The following OSBPL10 variants were observed in gnomAD, a reference collection of about 807,000 sequenced individuals.
The protein encoded by OSBPL10 is oxysterol binding protein like 10, also known as oxysterol-binding protein-related protein 10.
Under a neutral mutation model 81.7 loss-of-function variants are expected in OSBPL10, and 49 were observed. That is an observed-to-expected ratio of 0.60 (90% CI 0.48 to 0.76). The LOEUF (loss-of-function observed/expected upper bound fraction) is 0.76, where lower values mean the gene tolerates loss of function less well. OSBPL10 is among the 30% of genes least tolerant of loss of function. The pLI is 0.00. For missense variants in OSBPL10, 923 were observed against 987.8 expected (o/e 0.93, Z 0.88); for synonymous variants, 419 against 383.6 (o/e 1.09, Z -1.08).
At chr3:31,871,944 T>A (rs948368806) in intron 3 of OSBPL10, among the ~76,000 whole-genome samples, 2 of 152,236 alleles carry the variant, frequency 1.3e-5, no homozygotes, top group African/African-American at 4.8e-5. Context: ...TTCAAAGTCA[T>A]ACACAAGTAG....
chr3:31,982,496 C>T (rs1698871146), upstream of OSBPL10, among the ~76,000 whole-genome samples: 1 of 152,168 alleles, frequency 6.6e-6, no homozygotes, highest in Non-Finnish European at 1.5e-5. Flanking sequence ...CTCAAAGGGA[C>T]AGTTCCCCGA....
chr3:32,054,137 T>A (rs968853558), intron 1 of OSBPL10, among the ~76,000 whole-genome samples: 2 of 152,242 alleles, frequency 1.3e-5, no homozygotes, highest in Non-Finnish European at 2.9e-5. Flanking sequence ...GTTATCATTT[T>A]GACCAAGTGA....
chr3:31,735,421 C>T (rs1382397317), intron 5 of OSBPL10, among the ~76,000 whole-genome samples: 1 of 152,164 alleles, frequency 6.6e-6, no homozygotes, highest in Non-Finnish European at 1.5e-5. Context: ...GCCTGGGTGA[C>T]AATGAAAGAC....
chr3:31,856,999 G>C (rs1286409894), intron 3 of OSBPL10, among the ~76,000 whole-genome samples: 1 of 152,114 alleles, frequency 6.6e-6, no homozygotes, highest in Non-Finnish European at 1.5e-5. Flanking sequence ...GGCGGTGGAG[G>C]GTTCAAGGAT....
intron 2 of OSBPL10, among the ~76,000 whole-genome samples, chr3:32,016,962 G>A (rs2125542950): frequency 6.6e-6 from 1 of 152,308 alleles, no homozygotes; most frequent in African/African-American, 2.4e-5. Flanking sequence ...ATAATGAAAA[G>A]TCTTTACTCC....
At chr3:31,785,505 G>A (rs1295651017) in intron 4 of OSBPL10, among the ~76,000 whole-genome samples, 2 of 152,108 alleles carry the variant, frequency 1.3e-5, no homozygotes, top group Non-Finnish European at 2.9e-5. Context: ...TCTTAAAGCT[G>A]TTTCAGTAAG....
chr3:32,010,462 A>G (rs1049723924), intron 2 of OSBPL10, among the ~76,000 whole-genome samples: 1 of 152,190 alleles, frequency 6.6e-6, no homozygotes, highest in Non-Finnish European at 1.5e-5. Context: ...AAGGGGGGGC[A>G]GTTCCAAGAT....
At chr3:32,010,485 A>G (rs1011420620) in intron 2 of OSBPL10, among the ~76,000 whole-genome samples, 1 of 152,206 alleles carries the variant, frequency 6.6e-6, no homozygotes, top group Non-Finnish European at 1.5e-5. Flanking sequence ...CCGAACAGGA[A>G]CAGCTCCAGT....
chr3:31,796,331 T>C (rs946769103), intron 4 of OSBPL10, among the ~76,000 whole-genome samples: 23 of 152,098 alleles, frequency 1.5e-4, no homozygotes, highest in African/African-American at 5.5e-4. Context: ...CTATAGAAAA[T>C]CCCTATTAGT....
chr3:31,812,326 C>G (rs571589545), intron 4 of OSBPL10, among the ~76,000 whole-genome samples: 1 of 152,344 alleles, frequency 6.6e-6, no homozygotes, highest in Admixed American at 6.5e-5. Context: ...GCCACCGCGC[C>G]TGGCCCTGGC....
At chr3:31,751,743 T>A (rs1446441803) in intron 4 of OSBPL10, among the ~76,000 whole-genome samples, 1 of 152,218 alleles carries the variant, frequency 6.6e-6, no homozygotes, top group Non-Finnish European at 1.5e-5. Context: ...AGTAGACACC[T>A]CCTAAAGATT....
intron 4 of OSBPL10, among the ~76,000 whole-genome samples, chr3:31,811,180 G>A (rs965262772): frequency 7.2e-5 from 11 of 151,936 alleles, no homozygotes; most frequent in Middle Eastern, 3.2e-3. Context: ...GATCACTGCA[G>A]AGGGGTTGGG....
chr3:31,699,361 C>A (rs1000592249), intron 7 of OSBPL10, among the ~76,000 whole-genome samples: 1 of 152,186 alleles, frequency 6.6e-6, no homozygotes, highest in Admixed American at 6.5e-5. Flanking sequence ...GCACAACACG[C>A]CAGACCTTCG....
intron 4 of OSBPL10, among the ~76,000 whole-genome samples, chr3:31,821,902 C>T (rs1224881348): frequency 2.0e-5 from 3 of 152,192 alleles, no homozygotes; most frequent in South Asian, 2.1e-4. Context: ...AAAGGCTGTA[C>T]ATGAATTTCT....
At chr3:31,666,723 C>T (rs1171765044) in intron 10 of OSBPL10, among the ~76,000 whole-genome samples, 1 of 152,208 alleles carries the variant, frequency 6.6e-6, no homozygotes, top group African/African-American at 2.4e-5. Flanking sequence ...TCTTCCTATA[C>T]ATTACATACC....
chr3:31,778,325 T>A (rs957068064), intron 4 of OSBPL10, among the ~76,000 whole-genome samples: 7 of 152,016 alleles, frequency 4.6e-5, no homozygotes, highest in African/African-American at 1.7e-4. Flanking sequence ...ACTACCCCCA[T>A]CCTCCACAGT....
At chr3:31,942,353 T>C (rs911849677) in intron 1 of OSBPL10, among the ~76,000 whole-genome samples, 1 of 151,694 alleles carries the variant, frequency 6.6e-6, no homozygotes, top group Non-Finnish European at 1.5e-5. Flanking sequence ...ACCAGCCTGG[T>C]CAACATGGTG....
chr3:31,790,896 AC>A (rs1698992939), intron 4 of OSBPL10, among the ~76,000 whole-genome samples: 1 of 152,256 alleles, frequency 6.6e-6, no homozygotes, highest in African/African-American at 2.4e-5. Flanking sequence ...TACAGAAGAC[AC>A]AGCTATGCTT....
chr3:31,670,713 A>T, intron 9 of OSBPL10, 84 bp downstream of exon 9: 1 of 1,374,344 alleles, frequency 7.3e-7, no homozygotes, highest in Non-Finnish European at 1.0e-6. Flanking sequence ...TCATCCCATT[A>T]CTGAAACTCA....
Sources: gnomAD v4.1 joint callset for allele counts (sites outside exome capture counted in the v4.1 genomes callset) on GRCh38, gnomAD v4.1.1 for gene constraint, MANE v1.5 for transcripts, NCBI Gene and HGNC (gene_info 2026-07-23, HGNC 2026-07-21) for gene names.